Variants in EPB41L1 observed in about 807,000 individuals in gnomAD.
The protein encoded by EPB41L1 is erythrocyte membrane protein band 4.1 like 1.
In EPB41L1, 29 loss-of-function variants were observed where a neutral mutation model predicts 97.8. That is an observed-to-expected ratio of 0.30 (90% CI 0.22 to 0.40). The LOEUF (loss-of-function observed/expected upper bound fraction) is 0.40, where lower values mean the gene tolerates loss of function less well. Among genes scored for constraint, EPB41L1 ranks in the 10% least tolerant of loss-of-function variants. EPB41L1 has a pLI of 1.00. For missense variants in EPB41L1, 812 were observed against 1,162.3 expected (o/e 0.70, Z 4.38); for synonymous variants, 383 against 459.2 (o/e 0.83, Z 2.12).
At chr20:36,107,975 T>A (rs1436030154) in intron 1 of EPB41L1, among the ~76,000 whole-genome samples, 2 of 152,102 alleles carry the variant, frequency 1.3e-5, no homozygotes, top group Non-Finnish European at 2.9e-5. Flanking sequence ...ATAGTCTTTT[T>A]AATTTTAGTT....
chr20:36,128,273 GCT>G (rs1462372641), intron 2 of EPB41L1, among the ~76,000 whole-genome samples: 1 of 152,142 alleles, frequency 6.6e-6, no homozygotes, highest in African/African-American at 2.4e-5. Context: ...TCCCTTCCCT[GCT>G]CTCTCTTCTA....
chr20:36,173,796 C>A lies in EPB41L1; in HGVS notation c.19C>A (p.Pro7Thr). 1 of 1,614,142 alleles carries A rather than the reference C, an allele frequency of 6.2e-7. No individual in the cohort carries two copies. The highest frequency in any genetic ancestry group is 8.5e-7 in the Non-Finnish European group (1 of 1,180,018). Reference protein sequence around the residue: MTTETGPDSEVKKAQEE... With the variant: MTTETGTDSEVKKAQEE... Reference sequence around the variant, plus strand: ...GGTCACCATGACAACAGAGACAGGCCCCGACTCTGAGGTGAAGAAAGCTCA... The same window carrying A: ...GGTCACCATGACAACAGAGACAGGCACCGACTCTGAGGTGAAGAAAGCTCA... The change falls in exon 2 of 22, where the codon CCC becomes ACC. Residue 7 changes from proline (P) to threonine (T), a missense_variant. Around this residue, in one of 3 missense-constraint regions of EPB41L1, gnomAD observed 84 missense variants for 94.3 expected, o/e 0.89. Transcript: ENST00000338074.
At chr20:36,095,125 C>A (rs887959787) in intron 1 of EPB41L1, among the ~76,000 whole-genome samples, 1 of 152,206 alleles carries the variant, frequency 6.6e-6, no homozygotes, top group African/African-American at 2.4e-5. Context: ...GCACCCACCA[C>A]CACGCCCGAC....
In EPB41L1 at chr20:36,119,525, C is replaced by CT. The variant is rs1309131062; in HGVS notation, c.-10+7046dup. On this transcript the variant is annotated intron_variant, in intron 2 of 19. Transcript: ENST00000202028. ...GCTGAAGCAGGAGAATCGCTTGAACCTGGTAGGGTTGCAGAGAGTCGAGAT... is the reference window on the plus strand; with the variant it reads ...GCTGAAGCAGGAGAATCGCTTGAACCTTGGTAGGGTTGCAGAGAGTCGAGAT... Among the ~76,000 whole-genome samples, 5 of 152,068 alleles carry CT rather than the reference C, an allele frequency of 3.3e-5. No homozygotes were observed. The East Asian group carries it at 9.6e-4, about 29-fold the overall frequency.
At position 36,207,816 on chromosome 20, in the gene EPB41L1, C is replaced by A; in HGVS notation, c.1669-1672C>A. ...GCGTGAGCCCCCGCCCCCACCGCTGCTCCCCGCCCATGGGGGCTGGCCGCA... is the reference window on the plus strand; with the variant it reads ...GCGTGAGCCCCCGCCCCCACCGCTGATCCCCGCCCATGGGGGCTGGCCGCA... On this transcript the variant is annotated intron_variant, in intron 14 of 21. Coordinates refer to ENST00000338074, the MANE Select transcript of EPB41L1 (RefSeq NM_012156.2). This position sits in a 1 kb window ranked among gnomAD's most constrained non-coding sequence, Gnocchi z 4.9. The A allele has an allele frequency of 7.9e-7, 1 of 1,270,506 alleles. No homozygotes were observed. The allele number at this position is 1,270,506 out of a possible 1,614,324, so 78.7% of individuals were successfully genotyped here.
At chr20:36,200,678 T>A (rs1253829104) in intron 14 of EPB41L1, among the ~76,000 whole-genome samples, 1 of 152,232 alleles carries the variant, frequency 6.6e-6, no homozygotes, top group East Asian at 1.9e-4. Context: ...CCTCCCGAGC[T>A]CACCCCACAG....
intron 2 of EPB41L1, among the ~76,000 whole-genome samples, chr20:36,140,305 A>G (rs1417292093): frequency 6.7e-6 from 1 of 149,846 alleles, no homozygotes; most frequent in Admixed American, 6.7e-5. Context: ...TCCTGGCCTC[A>G]AGTGATCCAA....
chr20:36,198,763 T>TGAA (rs1448571732), intron 14 of EPB41L1, among the ~76,000 whole-genome samples: 1 of 152,196 alleles, frequency 6.6e-6, no homozygotes, highest in African/African-American at 2.4e-5. Context: ...TACTTAGGTG[T>TGAA]TTTCTCCCTG....
At position 36,190,605 on chromosome 20, in the gene EPB41L1, G is replaced by A; in HGVS notation, c.1125-17G>A. 1.2e-6 allele frequency: 2 copies of A among 1,613,774 alleles called. No individual in the cohort carries two copies. Among genetic ancestry groups the A allele is most frequent in the Non-Finnish European group, 1.7e-6 (2 of 1,180,014 alleles). ...CAGGTCTGATTCCTCCTCCTCCCCTGCATCCCTCTGCTGCAGGCTGGTGTC... is the reference window on the plus strand; with the variant it reads ...CAGGTCTGATTCCTCCTCCTCCCCTACATCCCTCTGCTGCAGGCTGGTGTC... On this transcript the variant is annotated splice_polypyrimidine_tract_variant and intron_variant, in intron 10 of 21. Coordinates refer to ENST00000338074, the MANE Select transcript of EPB41L1 (RefSeq NM_012156.2). The surrounding 1 kb of genome is among the most constrained non-coding windows in gnomAD (Gnocchi z 5.8).
In EPB41L1 at chr20:36,206,560, G is replaced by A. The variant is rs185328656; in HGVS notation, c.1669-2928G>A. Reference sequence around the variant, plus strand: ...AAAAGGGCGCCTGGATGCCCCTCCCGGAGGTGAGCCCAGGCCGACGCTGAA... The same window carrying A: ...AAAAGGGCGCCTGGATGCCCCTCCCAGAGGTGAGCCCAGGCCGACGCTGAA... On this transcript the variant is annotated intron_variant, in intron 14 of 21. Coordinates refer to ENST00000338074, the MANE Select transcript of EPB41L1 (RefSeq NM_012156.2). The surrounding 1 kb of genome is among the most constrained non-coding windows in gnomAD (Gnocchi z 5.5). 18 of 1,289,830 alleles carry A rather than the reference G, an allele frequency of 1.4e-5. No homozygotes were observed. Among genetic ancestry groups the A allele is most frequent in the African/African-American group, 6.1e-5 (4 of 65,996 alleles). The allele number at this position is 1,289,830 out of a possible 1,614,324, so 79.9% of individuals were successfully genotyped here. A position where few individuals can be genotyped will look rare whatever the true frequency, so the allele number is the denominator to read the frequency against.
chr20:36,111,648 G>T (rs760192990), intron 1 of EPB41L1, among the ~76,000 whole-genome samples: 1 of 152,030 alleles, frequency 6.6e-6, no homozygotes. Context: ...TTAGCCGGGC[G>T]TTGTGGCGCA....
In EPB41L1 at chr20:36,218,893, C is replaced by T. The variant is rs764008099; in HGVS notation, c.2286C>T (p.Ser762=). 11 of 1,613,990 alleles carry T rather than the reference C, an allele frequency of 6.8e-6. No homozygotes were observed. The highest frequency in any genetic ancestry group is 2.2e-5 in the South Asian group (2 of 91,082). The change falls in exon 18 of 22, where the codon TCC becomes TCT. Residue 762 remains serine, a synonymous_variant. Transcript: ENST00000338074. ...ISTTMENSLK[S]GKGAAAMIPG... is the part of the protein sequence containing the mutation. ...TTCCCCAGGAGAACAGTCTCAAGTC[C>T]GGGAAGGGGGCAGCTGCCATGATCC...
In EPB41L1 at chr20:36,218,898, A is replaced by AG; in HGVS notation, c.2296dup (p.Ala766GlyfsTer56). 2 of 1,614,150 alleles carry AG rather than the reference A, an allele frequency of 1.2e-6. No homozygotes were observed. The highest frequency in any genetic ancestry group is 1.7e-6 in the Non-Finnish European group (2 of 1,180,012). ...CAGGAGAACAGTCTCAAGTCCGGGA[A>AG]GGGGGCAGCTGCCATGATCCCAGGC... On this transcript the variant is annotated frameshift_variant, in exon 18 of 22. Coordinates refer to ENST00000338074, the MANE Select transcript of EPB41L1 (RefSeq NM_012156.2).
chr20:36,142,931 G>A lies in EPB41L1; in HGVS notation c.-10+30451G>A, dbSNP rs552413265. 2.6e-5 allele frequency among the ~76,000 whole-genome samples: 4 copies of A among 152,338 alleles called. No homozygotes were observed. In the South Asian group the frequency reaches 8.3e-4, roughly 32 times the overall value. ...TCTAGAAGCTGGCATGGCCTCCGTG[G>A]CCATGCTGACAGACTTGTCCATTCA... On this transcript the variant is annotated intron_variant, in intron 2 of 19. Transcript: ENST00000202028.
intron 1 of EPB41L1, among the ~76,000 whole-genome samples, chr20:36,157,235 A>C (rs1244810921): frequency 6.6e-6 from 1 of 152,184 alleles, no homozygotes; most frequent in Non-Finnish European, 1.5e-5. Context: ...AGAAAAAAAA[A>C]GGGCGGGGAG....
At chr20:36,116,850 G>A (rs151132841) in intron 2 of EPB41L1, among the ~76,000 whole-genome samples, 87 of 152,290 alleles carry the variant, frequency 5.7e-4, no homozygotes, top group African/African-American at 2.0e-3. Context: ...AACACAGGTG[G>A]GAAATTGGGG....
chr20:36,203,046 C>T lies in EPB41L1; in HGVS notation c.1668+5005C>T, dbSNP rs556334618. Among the ~76,000 whole-genome samples the T allele has an allele frequency of 7.9e-4, 121 of 152,290 alleles. 1 individual carries two copies. Among genetic ancestry groups the T allele is most frequent in the African/African-American group, 2.7e-3 (112 of 41,558 alleles). ...CGCTCTGAGCAAGGCACCGACGGTCCCCTGGCTCCAGAAAGAATGGCTGCG... is the reference window on the plus strand; with the variant it reads ...CGCTCTGAGCAAGGCACCGACGGTCTCCTGGCTCCAGAAAGAATGGCTGCG... On this transcript the variant is annotated intron_variant, in intron 14 of 21. Coordinates refer to ENST00000338074, the MANE Select transcript of EPB41L1 (RefSeq NM_012156.2).
intron 1 of EPB41L1, among the ~76,000 whole-genome samples, chr20:36,106,699 G>A (rs1217409840): frequency 6.6e-6 from 1 of 152,238 alleles, no homozygotes; most frequent in Non-Finnish European, 1.5e-5. Context: ...TTAGCTCTGG[G>A]CTAGGGCCAA....
chr20:36,143,962 C>T (rs1670712672), intron 2 of EPB41L1, among the ~76,000 whole-genome samples: 1 of 151,980 alleles, frequency 6.6e-6, no homozygotes, highest in Non-Finnish European at 1.5e-5. Flanking sequence ...AAGTGATTCT[C>T]CTGCCTCAGC....
Sources: gnomAD v4.1 joint callset for allele counts (sites outside exome capture counted in the v4.1 genomes callset) on GRCh38, gnomAD v4.1.1 for gene constraint, gnomAD v4.1.1 regional missense constraint, Gnocchi (gnomAD v3.1) non-coding constraint, MANE v1.5 for transcripts, NCBI Gene and HGNC (gene_info 2026-07-23, HGNC 2026-07-21) for gene names.